The following COL25A1 variants were observed in gnomAD, a reference collection of about 807,000 sequenced individuals.
The protein encoded by COL25A1 is collagen alpha-1(XXV) chain.
COL25A1 carries 103 observed loss-of-function variants against 128.4 expected under a neutral mutation model. The ratio of observed to expected loss-of-function variants is 0.80; its 90% CI spans 0.68 to 0.94. COL25A1 has a LOEUF of 0.94. COL25A1 is among the 40% of genes least tolerant of loss of function. COL25A1 has a pLI of 0.00. For missense variants in COL25A1, 745 were observed against 840.0 expected, an observed-to-expected ratio of 0.89 and a Z score of 1.40; for synonymous variants, 279 against 277.2, an observed-to-expected ratio of 1.01 and a Z score of -0.06.
rs542051722 is a variant in COL25A1, at chr4:109,180,721, A to T, written c.367+119862T>A. 2.0e-5 allele frequency among the ~76,000 whole-genome samples: 3 copies of T among 152,206 alleles called. No homozygotes were observed. The South Asian group carries it at 6.2e-4, about 32-fold the overall frequency. ...ATTAAGTTTATAAAATAAGCTTCAA[A>T]CCTACAGTTTTGAGGCTTGAAGGAA... On this transcript the variant is annotated intron_variant, in intron 3 of 37. Transcript: ENST00000399132.
intron 8 of COL25A1, among the ~76,000 whole-genome samples, chr4:108,959,687 C>T (rs1450981921): frequency 6.6e-6 from 1 of 152,130 alleles, no homozygotes; most frequent in Non-Finnish European, 1.5e-5. Flanking sequence ...GCATTCTTCT[C>T]TGACACATTT....
chr4:108,967,812 T>C (rs1247371067), intron 8 of COL25A1, among the ~76,000 whole-genome samples: 1 of 152,156 alleles, frequency 6.6e-6, no homozygotes, highest in Non-Finnish European at 1.5e-5. Flanking sequence ...TTATTCAACC[T>C]AGGAATCCCC....
At chr4:109,110,354 T>C (rs1044873148) in intron 3 of COL25A1, among the ~76,000 whole-genome samples, 3 of 152,082 alleles carry the variant, frequency 2.0e-5, no homozygotes, top group Non-Finnish European at 4.4e-5. Flanking sequence ...TCCTTTTGCT[T>C]CCCATAATCC....
chr4:108,973,674 C>T (rs1016207567), intron 8 of COL25A1, among the ~76,000 whole-genome samples: 4 of 152,126 alleles, frequency 2.6e-5, no homozygotes, highest in South Asian at 4.1e-4. Context: ...AACGGAGCCA[C>T]TACATCATTG....
At chr4:108,909,377 C>T (rs937045090) in intron 13 of COL25A1, among the ~76,000 whole-genome samples, 1 of 152,164 alleles carries the variant, frequency 6.6e-6, no homozygotes, top group African/African-American at 2.4e-5. Flanking sequence ...TACAAATACC[C>T]TCTTTTAGGT....
chr4:108,948,893 T>C (rs1749082029), intron 8 of COL25A1, among the ~76,000 whole-genome samples: 1 of 152,200 alleles, frequency 6.6e-6, no homozygotes, highest in South Asian at 2.1e-4. Context: ...AAATGCAAAG[T>C]ATAAGAAAAG....
At chr4:108,984,489 G>C (rs575868328) in intron 6 of COL25A1, among the ~76,000 whole-genome samples, 1 of 152,168 alleles carries the variant, frequency 6.6e-6, no homozygotes, top group Non-Finnish European at 1.5e-5. Flanking sequence ...CATGAGGGGG[G>C]CGGGAGGGAG....
rs145298045 is a variant in COL25A1 at position 108,885,529 on chromosome 4, G to T, written c.976-1307C>A. Among the ~76,000 whole-genome samples, 351 of 152,286 alleles carry T rather than the reference G, an allele frequency of 2.3e-3. 3 individuals are homozygous for T. The highest frequency in any genetic ancestry group is 8.1e-3 in the African/African-American group (337 of 41,562). On this transcript the variant is annotated intron_variant, in intron 18 of 37. Transcript: ENST00000399132. ...GAGAAAGGCTGATTATCAAGAACTT[G>T]TTATTCCATTCAAAGAATGTCCAAG...
intron 16 of COL25A1, among the ~76,000 whole-genome samples, chr4:108,895,128 T>C (rs183639433): frequency 6.8e-4 from 103 of 152,308 alleles, no homozygotes; most frequent in African/African-American, 2.5e-3. Flanking sequence ...ACTCCTCGAA[T>C]ATGAATATAA....
At chr4:109,206,615 C>T (rs1777018542) in intron 3 of COL25A1, among the ~76,000 whole-genome samples, 1 of 152,182 alleles carries the variant, frequency 6.6e-6, no homozygotes, top group Non-Finnish European at 1.5e-5. Context: ...AGGGGTAGGT[C>T]CAGATGCTGC....
At chr4:108,834,932 A>G (rs1304335724) in intron 31 of COL25A1, among the ~76,000 whole-genome samples, 1 of 152,210 alleles carries the variant, frequency 6.6e-6, no homozygotes, top group Non-Finnish European at 1.5e-5. Context: ...ATTTTACATG[A>G]ACAATAATTA....
At chr4:109,239,348 A>C (rs1285325165) in intron 3 of COL25A1, among the ~76,000 whole-genome samples, 2 of 146,184 alleles carry the variant, frequency 1.4e-5, no homozygotes, top group Non-Finnish European at 3.0e-5. Context: ...ATTATTATAT[A>C]ATGTAGCTCT....
intron 3 of COL25A1, among the ~76,000 whole-genome samples, chr4:109,229,300 A>G (rs534946580): frequency 6.6e-6 from 1 of 152,374 alleles, no homozygotes; most frequent in Admixed American, 6.5e-5. Flanking sequence ...CACTGAATTC[A>G]CAAATTCTGA....
At chr4:109,103,485 GC>G (rs1448715113) in intron 3 of COL25A1, among the ~76,000 whole-genome samples, 1 of 151,612 alleles carries the variant, frequency 6.6e-6, no homozygotes, top group African/African-American at 2.4e-5. Context: ...CATACCTAAA[GC>G]CATGGGGTCA....
chr4:108,942,332 G>C (rs1245951891), intron 8 of COL25A1: 16 of 1,451,734 alleles, frequency 1.1e-5, no homozygotes, highest in Non-Finnish European at 1.5e-5. Flanking sequence ...TTTCACTAGG[G>C]GACAAACAAA....
intron 13 of COL25A1, among the ~76,000 whole-genome samples, chr4:108,915,608 AGAGATAG>A (rs1351904888): frequency 2.0e-5 from 3 of 151,922 alleles, no homozygotes; most frequent in Non-Finnish European, 4.4e-5. Flanking sequence ...TTTCTTTTTA[AGAGATAG>A]GATAGGATCT....
intron 4 of COL25A1, among the ~76,000 whole-genome samples, chr4:109,049,615 T>C (rs939196257): frequency 1.3e-5 from 2 of 152,362 alleles, no homozygotes. Context: ...TAAAATTCCA[T>C]GGTTGTACAA....
chr4:108,852,068 A>C (rs750586384), intron 26 of COL25A1, among the ~76,000 whole-genome samples, 168 bp downstream of exon 26: 1 of 151,124 alleles, frequency 6.6e-6, no homozygotes, highest in Non-Finnish European at 1.5e-5. Flanking sequence ...CTAATTTTCT[A>C]TCTTCCTTCA....
chr4:109,078,651 C>T (rs1297350649), intron 3 of COL25A1, among the ~76,000 whole-genome samples: 1 of 152,112 alleles, frequency 6.6e-6, no homozygotes, highest in Non-Finnish European at 1.5e-5. Context: ...TTAAATAGGT[C>T]TTATAATATG....
Sources: gnomAD v4.1 joint callset for allele counts (sites outside exome capture counted in the v4.1 genomes callset) on GRCh38, gnomAD v4.1.1 for gene constraint, MANE v1.5 for transcripts, NCBI Gene and HGNC (gene_info 2026-07-23, HGNC 2026-07-21) for gene names.